Variants in ATXN1 observed in about 807,000 individuals in gnomAD.
ATXN1 encodes ataxin-1.
In ATXN1, 8 loss-of-function variants were observed where a neutral mutation model predicts 56.4. The observed-to-expected ratio is 0.14, with a 90% confidence interval of 0.08 to 0.26. The LOEUF (loss-of-function observed/expected upper bound fraction) is 0.26. ATXN1 is among the 10% of genes least tolerant of loss of function. ATXN1 has a pLI of 1.00. For synonymous variants in ATXN1, 514 were observed against 494.6 expected, an observed-to-expected ratio of 1.04 and a Z score of -0.52; for missense variants, 987 against 1,106.5, an observed-to-expected ratio of 0.89 and a Z score of 1.53.
chr6:16,581,755 G>T (rs1762534036), intron 4 of ATXN1, among the ~76,000 whole-genome samples: 1 of 152,130 alleles, frequency 6.6e-6, no homozygotes, highest in Non-Finnish European at 1.5e-5. Context: ...ATTATAGTGG[G>T]TAAAGTAAGA....
At chr6:16,643,627 CAAA>C (rs58223053) in intron 3 of ATXN1, among the ~76,000 whole-genome samples, 4 of 63,176 alleles carry the variant, frequency 6.3e-5, no homozygotes, top group South Asian at 6.1e-4. Flanking sequence ...GAGACCCTGC[CAAA>C]AAAAAAAAAA....
chr6:16,746,650 G>A (rs1760545999), intron 2 of ATXN1, among the ~76,000 whole-genome samples: 1 of 152,202 alleles, frequency 6.6e-6, no homozygotes, highest in Non-Finnish European at 1.5e-5. Flanking sequence ...GTAAAAAGGA[G>A]CGGAGGAAGT....
At chr6:16,351,954 T>A (rs2113461462) in intron 6 of ATXN1, among the ~76,000 whole-genome samples, 1 of 152,352 alleles carries the variant, frequency 6.6e-6, no homozygotes, top group South Asian at 2.1e-4. Context: ...CAGGTTAGTT[T>A]GGCCTTTGCT....
At chr6:16,378,575 T>C (rs941089275) in intron 6 of ATXN1, among the ~76,000 whole-genome samples, 2 of 148,060 alleles carry the variant, frequency 1.4e-5, no homozygotes, top group African/African-American at 2.5e-5. Flanking sequence ...ATTTATTTAT[T>C]TAGAGACAGG....
intron 2 of ATXN1, among the ~76,000 whole-genome samples, chr6:16,708,392 C>T (rs1291773399): frequency 2.0e-5 from 3 of 152,102 alleles, no homozygotes; most frequent in Admixed American, 1.3e-4. Flanking sequence ...AAATTCCCCA[C>T]GTCTGTGAAT....
intron 4 of ATXN1, among the ~76,000 whole-genome samples, chr6:16,566,880 AAC>A (rs1216390951): frequency 2.0e-5 from 3 of 151,806 alleles, no homozygotes; most frequent in African/African-American, 7.3e-5. Flanking sequence ...CAACAACAAC[AAC>A]AAAAACATTT....
intron 4 of ATXN1, among the ~76,000 whole-genome samples, chr6:16,565,185 T>C (rs1193867248): frequency 6.6e-6 from 1 of 152,230 alleles, no homozygotes; most frequent in African/African-American, 2.4e-5. Context: ...AGGTCTTTCA[T>C]ACCTAGTTTG....
chr6:16,376,227 A>G (rs1762137427), intron 6 of ATXN1, among the ~76,000 whole-genome samples: 1 of 152,238 alleles, frequency 6.6e-6, no homozygotes. Context: ...AAGCCCTTTC[A>G]GTAATGTTAC....
At chr6:16,609,358 C>T (rs1475882000) in intron 3 of ATXN1, among the ~76,000 whole-genome samples, 1 of 152,206 alleles carries the variant, frequency 6.6e-6, no homozygotes, top group African/African-American at 2.4e-5. Flanking sequence ...TAGCAGGACT[C>T]TGATGCCAGA....
chr6:16,567,779 A>G (rs141527718), intron 4 of ATXN1, among the ~76,000 whole-genome samples: 163 of 152,378 alleles, frequency 1.1e-3, no homozygotes, highest in African/African-American at 3.6e-3. Context: ...ACCCATGCAC[A>G]CAGCTTAGAA....
chr6:16,658,069 G>C (rs930062204), intron 2 of ATXN1, among the ~76,000 whole-genome samples, 168 bp from the exon 3 acceptor site: 5 of 151,938 alleles, frequency 3.3e-5, no homozygotes, highest in African/African-American at 1.2e-4. Flanking sequence ...TCTACATAAG[G>C]TGCCCTAAAA....
At chr6:16,755,034 T>C (rs568797795) in intron 1 of ATXN1, among the ~76,000 whole-genome samples, 16 of 152,152 alleles carry the variant, frequency 1.1e-4, no homozygotes, top group Non-Finnish European at 1.9e-4. Context: ...AGCTCACCAG[T>C]TGGGAGAGTG....
chr6:16,430,337 A>G (rs944103743), intron 6 of ATXN1, among the ~76,000 whole-genome samples: 1 of 17,134 alleles, frequency 5.8e-5, no homozygotes, highest in Non-Finnish European at 1.0e-4. Flanking sequence ...AAGGATAGGA[A>G]AAAAAAAAAA....
intron 6 of ATXN1, among the ~76,000 whole-genome samples, chr6:16,434,510 C>G (rs944622058): frequency 6.6e-6 from 1 of 152,156 alleles, no homozygotes; most frequent in Non-Finnish European, 1.5e-5. Context: ...TATTTATGTA[C>G]CTCCCTTTTA....
At chr6:16,740,244 A>G (rs932401671) in intron 2 of ATXN1, among the ~76,000 whole-genome samples, 2 of 152,234 alleles carry the variant, frequency 1.3e-5, no homozygotes, top group Admixed American at 1.3e-4. Context: ...GTATTTTACT[A>G]AAAGATTAGC....
intron 4 of ATXN1, among the ~76,000 whole-genome samples, chr6:16,544,608 C>T (rs753283098): frequency 8.5e-5 from 13 of 152,168 alleles, no homozygotes; most frequent in Admixed American, 2.6e-4. Flanking sequence ...GTTTTCCAGG[C>T]GCGTTGGCGT....
At chr6:16,417,558 C>T (rs1758938625) in intron 6 of ATXN1, among the ~76,000 whole-genome samples, 1 of 151,982 alleles carries the variant, frequency 6.6e-6, no homozygotes, top group African/African-American at 2.4e-5. Context: ...CCTGCCTCAG[C>T]CTCCCGAGTA....
chr6:16,351,663 A>G (rs550716337), intron 6 of ATXN1, among the ~76,000 whole-genome samples: 7 of 152,238 alleles, frequency 4.6e-5, no homozygotes, highest in African/African-American at 1.4e-4. Flanking sequence ...TCAGCCTCCC[A>G]AAGTGTTGGG....
At chr6:16,356,166 C>T (rs1408902461) in intron 6 of ATXN1, among the ~76,000 whole-genome samples, 2 of 152,240 alleles carry the variant, frequency 1.3e-5, no homozygotes, top group Non-Finnish European at 2.9e-5. Context: ...CAGGGAAACA[C>T]TGAAGAAGTG....
Sources: allele counts gnomAD v4.1 joint callset (sites outside exome capture counted in the v4.1 genomes callset), GRCh38; gene constraint gnomAD v4.1.1; transcripts MANE v1.5; gene names NCBI Gene and HGNC (gene_info 2026-07-23, HGNC 2026-07-21).